The following CLMP variants were observed in gnomAD, a reference collection of about 807,000 sequenced individuals.
The protein encoded by CLMP is CXADR like cell adhesion molecule.
CLMP carries 27 observed loss-of-function variants against 45.2 expected under a neutral mutation model. The ratio of observed to expected loss-of-function variants is 0.60; its 90% CI spans 0.44 to 0.82. The LOEUF (loss-of-function observed/expected upper bound fraction) is 0.82. CLMP is among the 40% of genes least tolerant of loss of function. The probability of loss-of-function intolerance (pLI) is 0.00; values close to 1 mark genes in which losing one functional copy is unlikely to be tolerated. For synonymous variants in CLMP, 167 were observed against 171.4 expected (o/e 0.97, Z 0.20); for missense variants, 403 against 448.4 (o/e 0.90, Z 0.91).
chr11:123,112,860 G>T (rs11218989), intron 1 of CLMP, among the ~76,000 whole-genome samples: 9 of 141,710 alleles, frequency 6.4e-5, no homozygotes, highest in South Asian at 2.3e-4. Context: ...TGCAAGCTCC[G>T]CCTCCCGGGT....
chr11:123,159,365 G>A (rs1217790955), intron 1 of CLMP, among the ~76,000 whole-genome samples: 1 of 152,214 alleles, frequency 6.6e-6, no homozygotes. Context: ...AAGCCTGCAT[G>A]TGACAGGAAG....
intron 1 of CLMP, among the ~76,000 whole-genome samples, chr11:123,148,558 T>C (rs374548275): frequency 5.9e-5 from 9 of 152,236 alleles, no homozygotes; most frequent in East Asian, 3.8e-4. Flanking sequence ...CTCTCTTGAC[T>C]TAGATTAGCA....
At chr11:123,192,528 A>T (rs553605086) in intron 1 of CLMP, among the ~76,000 whole-genome samples, 1 of 152,282 alleles carries the variant, frequency 6.6e-6, no homozygotes, top group East Asian at 1.9e-4. Context: ...TACTATAGTC[A>T]TCCAGGAGAG....
chr11:123,127,627 A>G (rs1260945271), intron 1 of CLMP, among the ~76,000 whole-genome samples: 1 of 152,222 alleles, frequency 6.6e-6, no homozygotes, highest in Non-Finnish European at 1.5e-5. Context: ...CATTACTCCA[A>G]TCCCAACAAC....
chr11:123,090,976 G>T (rs1293668913), intron 2 of CLMP, among the ~76,000 whole-genome samples: 1 of 152,138 alleles, frequency 6.6e-6, no homozygotes, highest in East Asian at 1.9e-4. Context: ...CAACTAGAAG[G>T]TCAGAGGCCA....
chr11:123,098,638 A>G (rs1591456565), intron 1 of CLMP, among the ~76,000 whole-genome samples: 1 of 150,450 alleles, frequency 6.6e-6, no homozygotes, highest in African/African-American at 2.4e-5. Context: ...CCAATTCAAG[A>G]GATCCTCCCA....
In CLMP at chr11:123,073,160, G is replaced by C. The variant is rs1221734867; in HGVS notation, c.*314C>G. 4.2e-6 allele frequency: 1 copy of C among 239,580 alleles called. No homozygotes were observed. Among genetic ancestry groups the C allele is most frequent in the Non-Finnish European group, 8.0e-6 (1 of 124,818 alleles). The allele number at this position is 239,580 out of a possible 1,614,324, so 14.8% of individuals were successfully genotyped here. ...AAAATATCCCACATTAAAAGTTTTA[G>C]GTATATTCACCTCACCTTTCCCCAA... On this transcript the variant is annotated 3_prime_UTR_variant, in exon 7 of 7. Transcript: ENST00000448775.
chr11:123,117,550 C>T lies in CLMP; in HGVS notation c.29-19598G>A, dbSNP rs561209987. ...CAAGCAATTCTCCTGCTTCAGCCTC[C>T]CAAGTAGCTGGGATTACAGGCACTC... On this transcript the variant is annotated intron_variant, in intron 1 of 6. Coordinates refer to ENST00000448775, the MANE Select transcript of CLMP (RefSeq NM_024769.5). Among the ~76,000 whole-genome samples, 4 of 152,210 alleles carry T rather than the reference C, an allele frequency of 2.6e-5. No homozygotes were observed. The East Asian group carries it at 7.7e-4, about 29-fold the overall frequency.
chr11:123,107,027 AAAAAAAT>A (rs1227650591), intron 1 of CLMP, among the ~76,000 whole-genome samples: 2 of 151,048 alleles, frequency 1.3e-5, no homozygotes, highest in African/African-American at 2.4e-5. Context: ...TCAAAAAAAA[AAAAAAAT>A]AATAATAATA....
At chr11:123,139,553 G>A (rs1381704948) in intron 1 of CLMP, among the ~76,000 whole-genome samples, 3 of 152,132 alleles carry the variant, frequency 2.0e-5, no homozygotes, top group East Asian at 1.9e-4. Flanking sequence ...AGGGTCGGGC[G>A]CTGTGGCTCA....
At chr11:123,119,186 C>T (rs1029807657) in intron 1 of CLMP, among the ~76,000 whole-genome samples, 7 of 151,334 alleles carry the variant, frequency 4.6e-5, no homozygotes, top group African/African-American at 1.2e-4. Context: ...CGGGATCAAG[C>T]GATTCCCCTG....
In CLMP at chr11:123,084,571, G is replaced by T; in HGVS notation, c.329C>A (p.Thr110Asn). The change falls in exon 3 of 7, where the codon ACC (threonine) becomes AAC (asparagine). Residue 110 changes from threonine (T) to asparagine (N), a missense_variant. Thr to Asn is a moderately conservative substitution (Grantham distance 65). Coordinates refer to ENST00000448775, the MANE Select transcript of CLMP (RefSeq NM_024769.5). ...PLKPSDEGRY[T>N]CKVKNSGRYV... is the part of the protein sequence containing the mutation. Reference sequence around the variant, plus strand: ...GCGCCCTGAATTCTTAACCTTACAGGTGTACCGGCCCTCATCACTGGGCTT... The same window carrying T: ...GCGCCCTGAATTCTTAACCTTACAGTTGTACCGGCCCTCATCACTGGGCTT... 6.2e-7 allele frequency: 1 copy of T among 1,614,182 alleles called. No individual in the cohort carries two copies. Among genetic ancestry groups the T allele is most frequent in the East Asian group, 2.2e-5 (1 of 44,890 alleles).
At chr11:123,132,127 T>C (rs1425747445) in intron 1 of CLMP, among the ~76,000 whole-genome samples, 1 of 152,232 alleles carries the variant, frequency 6.6e-6, no homozygotes, top group East Asian at 1.9e-4. Context: ...GGAGCAGAAC[T>C]GAACCAAGTG....
rs144034427 is a variant in CLMP, at chr11:123,184,791, T to C, written c.28+10122A>G. On this transcript the variant is annotated intron_variant, in intron 1 of 6. Transcript: ENST00000448775. ...CCAACCTTCTCCTGGAACGGGATTTTACATGCATTCATACATTTGTTTGTT... is the reference window on the plus strand; with the variant it reads ...CCAACCTTCTCCTGGAACGGGATTTCACATGCATTCATACATTTGTTTGTT... Among the ~76,000 whole-genome samples, 6 of 152,364 alleles carry C rather than the reference T, an allele frequency of 3.9e-5. No individual in the cohort carries two copies. In the East Asian group the frequency reaches 1.2e-3, roughly 29 times the overall value.
At chr11:123,192,707 C>T (rs1861924600) in intron 1 of CLMP, among the ~76,000 whole-genome samples, 1 of 152,102 alleles carries the variant, frequency 6.6e-6, no homozygotes, top group African/African-American at 2.4e-5. Flanking sequence ...ATTGGCAGGT[C>T]CAGGAAACAT....
At chr11:123,130,159 A>G (rs1860965029) in intron 1 of CLMP, among the ~76,000 whole-genome samples, 1 of 152,162 alleles carries the variant, frequency 6.6e-6, no homozygotes, top group African/African-American at 2.4e-5. Flanking sequence ...AGGTAAAGAA[A>G]ATTAGTGTTG....
At chr11:123,122,117 T>C (rs1410077328) in intron 1 of CLMP, among the ~76,000 whole-genome samples, 2 of 152,166 alleles carry the variant, frequency 1.3e-5, no homozygotes, top group Non-Finnish European at 2.9e-5. Flanking sequence ...ACCTAAAATA[T>C]CCGTAAGTGA....
chr11:123,124,028 G>T (rs1860856298), intron 1 of CLMP, among the ~76,000 whole-genome samples: 1 of 152,130 alleles, frequency 6.6e-6, no homozygotes, highest in South Asian at 2.1e-4. Flanking sequence ...GGAGCAGTGA[G>T]GAGAGAGCGA....
At chr11:123,173,492 C>A (rs890036432) in intron 1 of CLMP, among the ~76,000 whole-genome samples, 4 of 152,212 alleles carry the variant, frequency 2.6e-5, no homozygotes, top group African/African-American at 9.6e-5. Context: ...AAGGGAATGA[C>A]TGCATAGTGC....
Sources: allele counts gnomAD v4.1 joint callset (sites outside exome capture counted in the v4.1 genomes callset), GRCh38; gene constraint gnomAD v4.1.1; transcripts MANE v1.5; gene names NCBI Gene and HGNC (gene_info 2026-07-23, HGNC 2026-07-21).